The following RBFOX1 variants were observed in gnomAD, a reference collection of about 807,000 sequenced individuals.
The protein encoded by RBFOX1 is RNA binding protein fox-1 homolog 1.
In RBFOX1, 8 loss-of-function variants were observed where a neutral mutation model predicts 57.7. The ratio of observed to expected loss-of-function variants is 0.14; its 90% confidence interval spans 0.08 to 0.25. The LOEUF (loss-of-function observed/expected upper bound fraction) is 0.25. RBFOX1 is among the 10% of genes least tolerant of loss of function. RBFOX1 has a pLI of 1.00. For synonymous variants in RBFOX1, 326 were observed against 222.4 expected (o/e 1.47, Z -4.15); for missense variants, 611 against 548.5 (o/e 1.11, Z -1.14).
intron 3 of RBFOX1, among the ~76,000 whole-genome samples, chr16:5,851,659 C>T (rs1457302549): frequency 6.6e-6 from 1 of 152,200 alleles, no homozygotes; most frequent in South Asian, 2.1e-4. Context: ...TAAATTATGT[C>T]ATCTCTGTGC....
chr16:7,388,196 C>A (rs1203484283), intron 4 of RBFOX1, among the ~76,000 whole-genome samples: 1 of 152,084 alleles, frequency 6.6e-6, no homozygotes, highest in Non-Finnish European at 1.5e-5. Flanking sequence ...TTAAGCCTTT[C>A]CTTCTTGGCA....
At chr16:7,278,171 G>A (rs752326420) in intron 4 of RBFOX1, among the ~76,000 whole-genome samples, 9 of 152,084 alleles carry the variant, frequency 5.9e-5, no homozygotes, top group Non-Finnish European at 1.2e-4. Context: ...GTTTTAAGTT[G>A]GAAATGGTTG....
At chr16:5,739,951 G>C (rs1322092775) in intron 3 of RBFOX1, among the ~76,000 whole-genome samples, 1 of 152,234 alleles carries the variant, frequency 6.6e-6, no homozygotes, top group Non-Finnish European at 1.5e-5. Flanking sequence ...AGAGGAGGTG[G>C]GGTGAGGCTG....
intron 3 of RBFOX1, among the ~76,000 whole-genome samples, chr16:6,741,273 C>T (rs1162322168): frequency 1.3e-5 from 2 of 152,098 alleles, no homozygotes; most frequent in Admixed American, 6.6e-5. Context: ...AACTATAAAA[C>T]TTTCAGGCAA....
intron 3 of RBFOX1, among the ~76,000 whole-genome samples, chr16:6,693,702 ATCC>A (rs960612327): frequency 6.0e-5 from 9 of 150,694 alleles, no homozygotes; most frequent in Non-Finnish European, 1.0e-4. Context: ...CATCACCATC[ATCC>A]TCCTCCACTA....
At chr16:5,756,402 C>T (rs1038616063) in intron 3 of RBFOX1, among the ~76,000 whole-genome samples, 1 of 152,002 alleles carries the variant, frequency 6.6e-6, no homozygotes, top group African/African-American at 2.4e-5. Context: ...AGATGGATAC[C>T]GTTTTTCTTC....
intron 1 of RBFOX1, among the ~76,000 whole-genome samples, chr16:5,410,161 C>T (rs147975937): frequency 0.011 from 1,655 of 151,470 alleles, 10 homozygotes; most frequent in Non-Finnish European, 0.013. Context: ...CCCAGGAGTT[C>T]GAGACCAGCC....
At chr16:7,392,754 G>A (rs779798798) in intron 4 of RBFOX1, among the ~76,000 whole-genome samples, 1 of 152,158 alleles carries the variant, frequency 6.6e-6, no homozygotes, top group Non-Finnish European at 1.5e-5. Flanking sequence ...GGTCATTGCT[G>A]AATCTAAGGG....
At chr16:7,536,158 G>A (rs137934345) in intron 5 of RBFOX1, among the ~76,000 whole-genome samples, 3 of 152,326 alleles carry the variant, frequency 2.0e-5, no homozygotes, top group Non-Finnish European at 2.9e-5. Context: ...TGTGGATCTC[G>A]TGGAAAGGAG....
chr16:7,623,179 G>A (rs958174004), intron 10 of RBFOX1, among the ~76,000 whole-genome samples: 3 of 152,136 alleles, frequency 2.0e-5, no homozygotes, highest in Non-Finnish European at 2.9e-5. Flanking sequence ...ATCACAGACT[G>A]GATGGCTTAA....
In RBFOX1 at chr16:5,454,958, C is replaced by CTTT. The variant is rs1567535928; in HGVS notation, c.220-12258_220-12257insTTT. Among the ~76,000 whole-genome samples the CTTT allele has an allele frequency of 5.6e-3, 171 of 30,372 alleles. 4 individuals carry two copies. The highest frequency in any genetic ancestry group is 0.015 in the African/African-American group (105 of 6,800). The allele number at this position is 30,372 out of a possible 152,430, so 19.9% of individuals were successfully genotyped here. On this transcript the variant is annotated intron_variant, in intron 1 of 2. Coordinates refer to the RBFOX1 transcript ENST00000585867. Reference sequence around the variant, plus strand: ...TCCTTCCTTCCTTCCTTCCTTCCTTCCTTTCTTTCTTTCTTTCTTTCTTTC... The same window carrying CTTT: ...TCCTTCCTTCCTTCCTTCCTTCCTTCTTTCTTTCTTTCTTTCTTTCTTTCTTTC...
chr16:7,343,115 C>T (rs1385440220), intron 4 of RBFOX1, among the ~76,000 whole-genome samples: 2 of 152,148 alleles, frequency 1.3e-5, no homozygotes, highest in African/African-American at 4.8e-5. Flanking sequence ...GGACCACCCA[C>T]ACCCCTGTTC....
chr16:6,935,090 G>A (rs574610965), intron 3 of RBFOX1, among the ~76,000 whole-genome samples: 14 of 151,234 alleles, frequency 9.3e-5, no homozygotes, highest in South Asian at 2.1e-4. Flanking sequence ...CCCCCATCTC[G>A]GAAAAAAAAA....
rs371476561 is a variant in RBFOX1, at chr16:7,710,796, A to C, written c.*51A>C. 1.4e-6 allele frequency: 2 copies of C among 1,447,258 alleles called. No individual in the cohort carries two copies. Among genetic ancestry groups the C allele is most frequent in the African/African-American group, 2.9e-5 (2 of 68,292 alleles). The allele number at this position is 1,447,258 out of a possible 1,614,324, so 89.7% of individuals were successfully genotyped here. ...ATGTGGGGAGAAAGGAAGCTTTCCG[A>C]GGCCTGAGTATTGCAATACATGCAG... On this transcript the variant is annotated 3_prime_UTR_variant, in exon 16 of 16. Transcript: ENST00000550418.
intron 3 of RBFOX1, among the ~76,000 whole-genome samples, chr16:6,996,919 C>G (rs1357927785): frequency 2.0e-5 from 3 of 152,022 alleles, no homozygotes; most frequent in Non-Finnish European, 4.4e-5. Context: ...ACTTTGCATC[C>G]AGGAAATCAG....
chr16:6,333,187 G>A (rs751483751), intron 2 of RBFOX1, among the ~76,000 whole-genome samples: 17 of 152,032 alleles, frequency 1.1e-4, no homozygotes, highest in Admixed American at 7.9e-4. Flanking sequence ...CTACAGTCAT[G>A]TGCCACCATG....
At chr16:5,988,383 T>A (rs959776070) in intron 4 of RBFOX1, among the ~76,000 whole-genome samples, 2 of 152,194 alleles carry the variant, frequency 1.3e-5, no homozygotes, top group African/African-American at 4.8e-5. Context: ...ACTTTAGGAT[T>A]ACGTTATCAA....
At chr16:6,466,674 C>T (rs925363033) in intron 2 of RBFOX1, among the ~76,000 whole-genome samples, 1 of 152,186 alleles carries the variant, frequency 6.6e-6, no homozygotes, top group Non-Finnish European at 1.5e-5. Context: ...CCCAAAGAGT[C>T]TCCAGGCCCC....
intron 10 of RBFOX1, among the ~76,000 whole-genome samples, chr16:7,607,607 G>C (rs1596399425): frequency 6.6e-6 from 1 of 152,188 alleles, no homozygotes; most frequent in African/African-American, 2.4e-5. Flanking sequence ...AAAGCATTGT[G>C]ACTTTGTTCA....
Sources: gnomAD v4.1 joint callset for allele counts (sites outside exome capture counted in the v4.1 genomes callset) on GRCh38, gnomAD v4.1.1 for gene constraint, MANE v1.5 for transcripts, NCBI Gene and HGNC (gene_info 2026-07-23, HGNC 2026-07-21) for gene names.